The following DCAKD variants were observed in gnomAD, a reference collection of about 807,000 sequenced individuals.
DCAKD encodes the protein dephospho-CoA kinase domain-containing protein.
Under a neutral mutation model 18.7 loss-of-function variants are expected in DCAKD, and 15 were observed. That is an observed-to-expected ratio of 0.80 (90% confidence interval 0.54 to 1.24). The LOEUF is 1.24. Ranked by LOEUF, DCAKD falls within the 50% of genes most tolerant of loss-of-function variation. The probability of loss-of-function intolerance (pLI) is 0.00; values close to 1 mark genes in which losing one functional copy is unlikely to be tolerated. For synonymous variants in DCAKD, 130 were observed against 133.0 expected (o/e 0.98, Z 0.16); for missense variants, 301 against 322.0 (o/e 0.93, Z 0.50).
At chr17:45,056,168 AAAAG>A (rs1404391389), upstream of DCAKD, among the ~76,000 whole-genome samples, 229 of 152,154 alleles carry the variant, frequency 1.5e-3, 1 homozygote, top group African/African-American at 5.3e-3. Context: ...AAAAAAAAAA[AAAAG>A]AAGGTTATCT....
intron 1 of DCAKD, among the ~76,000 whole-genome samples, chr17:45,035,407 G>C (rs921875916): frequency 6.6e-6 from 1 of 151,210 alleles, no homozygotes; most frequent in Non-Finnish European, 1.5e-5. Flanking sequence ...CTTGAACCTG[G>C]GAGGTGGAGG....
At chr17:45,036,279 G>A (rs1183002586) in intron 1 of DCAKD, among the ~76,000 whole-genome samples, 1 of 152,214 alleles carries the variant, frequency 6.6e-6, no homozygotes, top group East Asian at 1.9e-4. Context: ...CACTTTGGGA[G>A]GCCGAGGCAG....
chr17:45,035,685 T>C (rs1464096708), intron 1 of DCAKD, among the ~76,000 whole-genome samples: 1 of 152,066 alleles, frequency 6.6e-6, no homozygotes, highest in African/African-American at 2.4e-5. Context: ...CTGGTCCCCC[T>C]GGCCTTTACT....
chr17:45,053,683 G>C (rs923959455), upstream of DCAKD, among the ~76,000 whole-genome samples: 1 of 152,196 alleles, frequency 6.6e-6, no homozygotes, highest in African/African-American at 2.4e-5. Flanking sequence ...GCCTCCCAAA[G>C]TGCTAGGATT....
intron 4 of DCAKD, among the ~76,000 whole-genome samples, chr17:45,028,310 C>T (rs1290206455): frequency 1.3e-5 from 2 of 151,510 alleles, no homozygotes; most frequent in African/African-American, 4.9e-5. Context: ...CAGGGTTTAA[C>T]CGTGTTAGCC....
At chr17:45,045,977 C>T (rs920785605) in intron 1 of DCAKD, among the ~76,000 whole-genome samples, 1 of 151,856 alleles carries the variant, frequency 6.6e-6, no homozygotes, top group Non-Finnish European at 1.5e-5. Flanking sequence ...GCCACTGCCA[C>T]CACGCCCAGC....
intron 1 of DCAKD, among the ~76,000 whole-genome samples, chr17:45,047,444 G>A (rs1463242178): frequency 2.6e-5 from 4 of 151,302 alleles, no homozygotes; most frequent in Non-Finnish European, 4.4e-5. Flanking sequence ...CAACACGCCC[G>A]GCTAATTTTT....
At chr17:45,050,480 A>G (rs764066998) in intron 1 of DCAKD, among the ~76,000 whole-genome samples, 6 of 152,114 alleles carry the variant, frequency 3.9e-5, no homozygotes, top group Non-Finnish European at 8.8e-5. Flanking sequence ...AAGGGGACAG[A>G]TTCAGACCTT....
chr17:45,059,200 ACTG>A (rs1220805517), intron 1 of DCAKD, among the ~76,000 whole-genome samples: 29 of 152,132 alleles, frequency 1.9e-4, no homozygotes, highest in Non-Finnish European at 4.0e-4. Context: ...AAATCGCGCC[ACTG>A]CAATCCAGCC....
intron 1 of DCAKD, among the ~76,000 whole-genome samples, chr17:45,037,177 C>A (rs909817217): frequency 2.0e-5 from 3 of 152,128 alleles, no homozygotes; most frequent in Non-Finnish European, 4.4e-5. Flanking sequence ...ATTTAACAAT[C>A]ATTTCTAGGC....
chr17:45,042,818 T>C (rs1399520750), intron 1 of DCAKD, among the ~76,000 whole-genome samples: 1 of 152,206 alleles, frequency 6.6e-6, no homozygotes, highest in East Asian at 1.9e-4. Context: ...GCCAGTTACC[T>C]GGAGAGAGCC....
chr17:45,038,904 C>A (rs1325515170), intron 1 of DCAKD, among the ~76,000 whole-genome samples: 3 of 152,236 alleles, frequency 2.0e-5, no homozygotes, highest in Non-Finnish European at 4.4e-5. Context: ...CACTGACCAT[C>A]CACTGAGCAT....
intron 4 of DCAKD, chr17:45,026,905 C>T: frequency 2.4e-6 from 2 of 843,708 alleles, no homozygotes; most frequent in Non-Finnish European, 2.9e-6. Flanking sequence ...GCCCAGACCA[C>T]AGAGCCTCCT....
At chr17:45,040,595 G>A (rs543335248) in intron 1 of DCAKD, among the ~76,000 whole-genome samples, 2 of 152,244 alleles carry the variant, frequency 1.3e-5, no homozygotes, top group South Asian at 2.1e-4. Context: ...ACCAATCCCA[G>A]GTATGGGATT....
chr17:45,034,286 T>G lies in DCAKD; in HGVS notation c.217A>C (p.Ile73Leu). The G allele has an allele frequency of 6.2e-7, 1 of 1,614,148 alleles. No individual in the cohort carries two copies. The highest frequency in any genetic ancestry group is 1.1e-5 in the South Asian group (1 of 91,080). ...TGCCGCCGGTCAGGCTGGTTAAAGATCAGGTCCCCCAGGACCTTGCGATTT... is the reference window on the plus strand; with the variant it reads ...TGCCGCCGGTCAGGCTGGTTAAAGAGCAGGTCCCCCAGGACCTTGCGATTT... Reference protein sequence around the residue: ...DINRKVLGDLIFNQPDRRQLL... With the variant: ...DINRKVLGDLLFNQPDRRQLL... The change falls in exon 3 of 5, where the codon ATC (isoleucine) becomes CTC (leucine). Residue 73 changes from isoleucine to leucine, a missense_variant. Transcript: ENST00000651974.
intron 4 of DCAKD, among the ~76,000 whole-genome samples, chr17:45,025,491 C>G (rs954003323): frequency 6.6e-6 from 1 of 152,142 alleles, no homozygotes; most frequent in Non-Finnish European, 1.5e-5. Context: ...CCTTCACCCA[C>G]CCTGAGGTCA....
At position 45,023,463 on chromosome 17, in the gene DCAKD, A is replaced by C. The variant is rs12568; in HGVS notation, c.*970T>G. On this transcript the variant is annotated 3_prime_UTR_variant, in exon 5 of 5. Transcript: ENST00000651974. Reference sequence around the variant, plus strand: ...CCTGTCCCTAGAGGGCTTACAGTCTAGTAGGAAAAACCAGGCAAGTTTCGG... The same window carrying C: ...CCTGTCCCTAGAGGGCTTACAGTCTCGTAGGAAAAACCAGGCAAGTTTCGG... 0.23 allele frequency: 34,883 copies of C among 152,096 alleles called. 4,671 individuals carry two copies. The highest frequency in any genetic ancestry group is 0.36 in the African/African-American group (14,843 of 41,414). 9.4% of individuals were successfully genotyped at this position (152,096 alleles called of 1,614,324 possible).
chr17:45,045,094 GTATCTAGATATCTATAGGCACCTT>G (rs779984336), intron 1 of DCAKD, among the ~76,000 whole-genome samples: 195 of 152,180 alleles, frequency 1.3e-3, no homozygotes, highest in South Asian at 7.7e-3. Context: ...CTTTATCTAG[GTATCTAGATATCTATAGGCACCTT>G]TATCTAGGTA....
upstream of DCAKD, among the ~76,000 whole-genome samples, chr17:45,055,269 A>G (rs1256914651): frequency 6.6e-6 from 1 of 152,198 alleles, no homozygotes; most frequent in Non-Finnish European, 1.5e-5. Context: ...GATGCCTGGA[A>G]TACAGTTCTG....
Sources: gnomAD v4.1 joint callset for allele counts (sites outside exome capture counted in the v4.1 genomes callset) on GRCh38, gnomAD v4.1.1 for gene constraint, MANE v1.5 for transcripts, NCBI Gene and HGNC (gene_info 2026-07-23, HGNC 2026-07-21) for gene names.